The following ITGA9 variants were observed in gnomAD, a reference collection of about 807,000 sequenced individuals.
ITGA9 encodes the protein integrin subunit alpha 9.
A neutral mutation model predicts 127.8 loss-of-function variants in ITGA9; 56 were observed. The observed-to-expected ratio is 0.44, with a 90% CI of 0.35 to 0.55. The LOEUF (loss-of-function observed/expected upper bound fraction) is 0.55. Ranked by LOEUF, ITGA9 falls within the 20% of genes least tolerant of loss-of-function variation. The pLI is 0.00. For missense variants in ITGA9, 1,196 were observed against 1,347.1 expected (o/e 0.89, Z 1.76); for synonymous variants, 508 against 514.5 (o/e 0.99, Z 0.17).
intron 23 of ITGA9, among the ~76,000 whole-genome samples, chr3:37,755,461 G>A (rs1007599401): frequency 3.9e-5 from 6 of 152,156 alleles, no homozygotes; most frequent in African/African-American, 1.4e-4. Context: ...ACCAGAGGGT[G>A]CAGTAACAAG....
At chr3:37,731,258 C>T (rs571163047) in intron 18 of ITGA9, among the ~76,000 whole-genome samples, 1 of 152,236 alleles carries the variant, frequency 6.6e-6, no homozygotes, top group African/African-American at 2.4e-5. Context: ...CGCACTCTCG[C>T]CCAGGCTGGA....
intron 3 of ITGA9, among the ~76,000 whole-genome samples, chr3:37,477,888 T>A (rs1408480033): frequency 1.3e-5 from 2 of 152,052 alleles, no homozygotes; most frequent in Non-Finnish European, 2.9e-5. Context: ...GCTGTCCTTA[T>A]CTGTTCAGTG....
chr3:37,505,975 C>T (rs988378645), intron 6 of ITGA9, 25 bp from the exon 7 acceptor site: 1 of 1,541,714 alleles, frequency 6.5e-7, no homozygotes, highest in Non-Finnish European at 8.9e-7. Context: ...CAACCGTGTG[C>T]TTGGTTTCCG....
intron 1 of ITGA9, among the ~76,000 whole-genome samples, chr3:37,464,731 G>C (rs1479932759): frequency 6.6e-6 from 1 of 152,238 alleles, no homozygotes; most frequent in Non-Finnish European, 1.5e-5. Context: ...CTAGAAAGCA[G>C]TCAGTATCCA....
chr3:37,821,314 A>T lies in ITGA9; in HGVS notation c.*2325A>T, dbSNP rs1315743353. 2 of 152,120 alleles carry T rather than the reference A, an allele frequency of 1.3e-5. No homozygotes were observed. 9.4% of individuals were successfully genotyped at this position (152,120 alleles called of 1,614,324 possible). On this transcript the variant is annotated 3_prime_UTR_variant, in exon 28 of 28. Transcript: ENST00000264741. ...AAAGCAGTCTTGGGTGGGTTTTATC[A>T]CTTATTAACAGCCATTTATGAGGCC...
At chr3:37,460,273 T>C (rs1698302420) in intron 1 of ITGA9, among the ~76,000 whole-genome samples, 1 of 152,224 alleles carries the variant, frequency 6.6e-6, no homozygotes, top group African/African-American at 2.4e-5. Flanking sequence ...CAACAATATG[T>C]GAGAGGATGA....
intron 24 of ITGA9, among the ~76,000 whole-genome samples, chr3:37,778,640 GAC>G (rs1188769247): frequency 6.6e-6 from 1 of 151,136 alleles, no homozygotes; most frequent in Non-Finnish European, 1.5e-5. Flanking sequence ...AAATTATAAA[GAC>G]ACACACTTCA....
chr3:37,578,923 C>G (rs1426937837), intron 15 of ITGA9, among the ~76,000 whole-genome samples: 1 of 151,890 alleles, frequency 6.6e-6, no homozygotes, highest in Non-Finnish European at 1.5e-5. Context: ...GAAAGGGGAG[C>G]AAGCAGAGAG....
chr3:37,651,144 CTG>C (rs970498417), intron 16 of ITGA9, among the ~76,000 whole-genome samples: 1 of 151,986 alleles, frequency 6.6e-6, no homozygotes. Flanking sequence ...CACACACGCA[CTG>C]TGTGTGTGTA....
chr3:37,503,241 C>G lies in ITGA9; in HGVS notation c.676C>G (p.Leu226Val), dbSNP rs1181533862. The change falls in exon 6 of 28, where the codon CTT becomes GTT. Residue 226 changes from leucine (L) to valine (V), a missense_variant. Leu to Val is a conservative substitution (Grantham distance 32). Transcript: ENST00000264741. Reference sequence around the variant, plus strand: ...GGCTGGAACCATCAAAGTGCTGAACCTTACGGACAACACCTATTTAAAACT... The same window carrying G: ...GGCTGGAACCATCAAAGTGCTGAACGTTACGGACAACACCTATTTAAAACT... Reference protein sequence around the residue: ...YWAGTIKVLNLTDNTYLKLND... With the variant: ...YWAGTIKVLNVTDNTYLKLND... The G allele has an allele frequency of 6.2e-7, 1 of 1,614,088 alleles. No homozygotes were observed. The highest frequency in any genetic ancestry group is 2.2e-5 in the East Asian group (1 of 44,876).
intron 20 of ITGA9, among the ~76,000 whole-genome samples, chr3:37,739,642 G>A (rs192527496): frequency 3.3e-5 from 5 of 152,308 alleles, no homozygotes; most frequent in Non-Finnish European, 7.3e-5. Flanking sequence ...GCAGACCACT[G>A]GAAAGTATCC....
At chr3:37,638,947 T>C (rs1225604549) in intron 16 of ITGA9, among the ~76,000 whole-genome samples, 1 of 152,164 alleles carries the variant, frequency 6.6e-6, no homozygotes, top group Non-Finnish European at 1.5e-5. Context: ...GGGTACATAG[T>C]CCTGGGAGAA....
chr3:37,475,012 C>T (rs1698478195), intron 3 of ITGA9, among the ~76,000 whole-genome samples: 1 of 152,248 alleles, frequency 6.6e-6, no homozygotes, highest in Non-Finnish European at 1.5e-5. Flanking sequence ...TGGTGGGGGC[C>T]TCCCTCCTGG....
intron 4 of ITGA9, among the ~76,000 whole-genome samples, chr3:37,487,729 C>T (rs1037478417): frequency 1.3e-5 from 2 of 152,012 alleles, no homozygotes; most frequent in East Asian, 1.9e-4. Context: ...GAGGGGTTGA[C>T]GGCTTTTAAG....
chr3:37,629,104 A>G lies in ITGA9; in HGVS notation c.1690-83A>G. ...GAGGATTATATGAGGCAATTCATGT[A>G]GAAGGTCTTTGTAAACTGTGAAATG... On this transcript the variant is annotated intron_variant, in intron 15 of 27. Coordinates refer to ENST00000264741, the MANE Select transcript of ITGA9 (RefSeq NM_002207.3). The surrounding 1 kb of genome is among the most constrained non-coding windows in gnomAD (Gnocchi z 4.5). 1 of 1,492,358 alleles carries G rather than the reference A, an allele frequency of 6.7e-7. No homozygotes were observed. Among genetic ancestry groups the G allele is most frequent in the Non-Finnish European group, 9.3e-7 (1 of 1,071,422 alleles). The allele number at this position is 1,492,358 out of a possible 1,614,324, so 92.4% of individuals were successfully genotyped here. A position where few individuals can be genotyped will look rare whatever the true frequency, so the allele number is the denominator to read the frequency against.
intron 12 of ITGA9, 142 bp downstream of exon 12, chr3:37,523,753 G>A (rs1699066998): frequency 1.4e-6 from 1 of 724,688 alleles, no homozygotes; most frequent in South Asian, 1.5e-5. Flanking sequence ...TTTGCCTGGT[G>A]TTCAATTTTA....
chr3:37,453,455 A>C (rs1698223198), intron 1 of ITGA9, among the ~76,000 whole-genome samples: 1 of 152,168 alleles, frequency 6.6e-6, no homozygotes, highest in South Asian at 2.1e-4. Flanking sequence ...GCAGAGAAGC[A>C]CTAAGGGGGG....
chr3:37,531,944 G>C lies in ITGA9; in HGVS notation c.1374-1370G>C, dbSNP rs147026971. ...ATGCCTGTCAGGGGTACTAGAGAAG[G>C]CTTCCTCAGGGTGGGAACATTTGAG... On this transcript the variant is annotated intron_variant, in intron 13 of 27. Transcript: ENST00000264741. Among the ~76,000 whole-genome samples, 111 of 152,272 alleles carry C rather than the reference G, an allele frequency of 7.3e-4. 1 individual carries two copies. Among genetic ancestry groups the C allele is most frequent in the African/African-American group, 2.5e-3 (105 of 41,530 alleles).
At chr3:37,635,501 G>A (rs1376212353) in intron 16 of ITGA9, among the ~76,000 whole-genome samples, 3 of 152,126 alleles carry the variant, frequency 2.0e-5, no homozygotes, top group African/African-American at 7.2e-5. Flanking sequence ...ACTTCCTAAA[G>A]TGTGATTCCT....
Sources: gnomAD v4.1 joint callset for allele counts (sites outside exome capture counted in the v4.1 genomes callset) on GRCh38, gnomAD v4.1.1 for gene constraint, Gnocchi (gnomAD v3.1) non-coding constraint, MANE v1.5 for transcripts, NCBI Gene and HGNC (gene_info 2026-07-23, HGNC 2026-07-21) for gene names.